Variants in FAM107B observed in about 807,000 individuals in gnomAD.
FAM107B encodes protein FAM107B.
In FAM107B, 21 loss-of-function variants were observed where a neutral mutation model predicts 31.5. The ratio of observed to expected loss-of-function variants is 0.67; its 90% CI spans 0.47 to 0.96. The LOEUF is 0.96. FAM107B is among the 40% of genes least tolerant of loss of function. The pLI is 0.00. For synonymous variants in FAM107B, 157 were observed against 141.5 expected (o/e 1.11, Z -0.78); for missense variants, 452 against 377.1 (o/e 1.20, Z -1.64).
At chr10:14,542,269 CAAAA>C (rs147609287) in intron 2 of FAM107B, among the ~76,000 whole-genome samples, 3 of 55,964 alleles carry the variant, frequency 5.4e-5, no homozygotes, top group African/African-American at 1.4e-4. Flanking sequence ...GACTCCATCT[CAAAA>C]AAAAAAAAAA....
chr10:14,759,418 C>A (rs1330622569), intron 1 of FAM107B, among the ~76,000 whole-genome samples: 1 of 152,198 alleles, frequency 6.6e-6, no homozygotes, highest in Non-Finnish European at 1.5e-5. Context: ...CCATCCCCAA[C>A]ACCCATTTCT....
intron 2 of FAM107B, among the ~76,000 whole-genome samples, chr10:14,553,691 T>G (rs746710801): frequency 3.3e-5 from 5 of 152,176 alleles, no homozygotes; most frequent in Non-Finnish European, 7.4e-5. Context: ...AGCCCAAGCT[T>G]TAGAGTCTGA....
intron 1 of FAM107B, among the ~76,000 whole-genome samples, chr10:14,752,784 T>C (rs915836644): frequency 3.9e-5 from 6 of 152,042 alleles, no homozygotes; most frequent in African/African-American, 1.4e-4. Context: ...ATACAAAAAT[T>C]AGCCGGGTGT....
rs566285338 is a variant in FAM107B at position 14,697,344 on chromosome 10, A to G, written c.412-29653T>C. Reference sequence around the variant, plus strand: ...AATGGAGGCAGAACAGTTCCTTCAGATTTTCCATGGCCTGGAATCCGGAAT... The same window carrying G: ...AATGGAGGCAGAACAGTTCCTTCAGGTTTTCCATGGCCTGGAATCCGGAAT... On this transcript the variant is annotated intron_variant, in intron 1 of 4. Transcript: ENST00000181796. 5.9e-5 allele frequency among the ~76,000 whole-genome samples: 9 copies of G among 152,226 alleles called. No homozygotes were observed. In the South Asian group the frequency reaches 6.2e-4, roughly 11 times the overall value.
intron 2 of FAM107B, among the ~76,000 whole-genome samples, chr10:14,601,498 T>A (rs1852396919): frequency 6.6e-6 from 1 of 152,074 alleles, no homozygotes; most frequent in African/African-American, 2.4e-5. Context: ...TGCAGCAAGG[T>A]CTCATGAGGT....
At position 14,767,020 on chromosome 10, in the gene FAM107B, G is replaced by GTGTA. The variant is rs1354065285; in HGVS notation, c.411+7232_411+7233insTACA. 1.1e-3 allele frequency among the ~76,000 whole-genome samples: 32 copies of GTGTA among 30,374 alleles called. 2 individuals are homozygous for GTGTA. Among genetic ancestry groups the GTGTA allele is most frequent in the African/African-American group, 2.6e-3 (31 of 11,700 alleles). 19.9% of individuals were successfully genotyped at this position (30,374 alleles called of 152,430 possible). On this transcript the variant is annotated intron_variant, in intron 1 of 4. Coordinates refer to ENST00000181796, the MANE Select transcript of FAM107B (RefSeq NM_031453.4). The stretch of plus-strand genomic sequence containing the variant: ...AACTGCAGAACAATATCCCTGATGT[G>GTGTA]TATGTATATATATATATATATATAT...
At chr10:14,597,173 C>A (rs967485753) in intron 2 of FAM107B, among the ~76,000 whole-genome samples, 2 of 152,180 alleles carry the variant, frequency 1.3e-5, no homozygotes, top group African/African-American at 4.8e-5. Context: ...CCTCTACATA[C>A]GCATATGCAC....
At chr10:14,609,589 T>C (rs1007865682) in intron 2 of FAM107B, among the ~76,000 whole-genome samples, 1 of 152,184 alleles carries the variant, frequency 6.6e-6, no homozygotes, top group African/African-American at 2.4e-5. Flanking sequence ...CATCTAGGGC[T>C]CTAGACTCAG....
intron 3 of FAM107B, chr10:14,530,003 G>A (rs1239021797): frequency 4.9e-6 from 1 of 202,348 alleles, no homozygotes; most frequent in African/African-American, 2.4e-5. Flanking sequence ...TTAAATTTAA[G>A]AACATATTTC....
chr10:14,540,928 T>C (rs1848125310), intron 2 of FAM107B, among the ~76,000 whole-genome samples: 1 of 152,140 alleles, frequency 6.6e-6, no homozygotes, highest in Admixed American at 6.5e-5. Flanking sequence ...GCAGAAGTCA[T>C]CCCAGGCGAA....
intron 2 of FAM107B, among the ~76,000 whole-genome samples, chr10:14,595,839 G>A (rs1346377381): frequency 6.6e-6 from 1 of 152,140 alleles, no homozygotes; most frequent in African/African-American, 2.4e-5. Context: ...TTTCTCTCTT[G>A]TATCAACTCC....
chr10:14,682,032 G>A (rs1036471822), intron 1 of FAM107B, among the ~76,000 whole-genome samples: 16 of 152,292 alleles, frequency 1.1e-4, no homozygotes, highest in African/African-American at 3.8e-4. Context: ...TTCCAGCCCT[G>A]AGTATCCTCT....
At chr10:14,722,652 C>T (rs964052556) in intron 1 of FAM107B, among the ~76,000 whole-genome samples, 1 of 152,092 alleles carries the variant, frequency 6.6e-6, no homozygotes, top group South Asian at 2.1e-4. Context: ...ATCCTTTGCC[C>T]ATTTTTAAAT....
At chr10:14,660,537 A>G (rs1854207095) in intron 2 of FAM107B, among the ~76,000 whole-genome samples, 1 of 152,218 alleles carries the variant, frequency 6.6e-6, no homozygotes, top group African/African-American at 2.4e-5. Flanking sequence ...AAGTGGTACT[A>G]TGTAATTTCT....
chr10:14,762,786 ACACACACAC>A (rs1257437979), intron 1 of FAM107B, among the ~76,000 whole-genome samples: 4 of 151,164 alleles, frequency 2.6e-5, no homozygotes, highest in African/African-American at 9.8e-5. Context: ...ACACACACAC[ACACACACAC>A]ACACACAAAA....
At chr10:14,637,449 A>G (rs571081776) in intron 2 of FAM107B, among the ~76,000 whole-genome samples, 2 of 152,326 alleles carry the variant, frequency 1.3e-5, no homozygotes, top group Admixed American at 6.5e-5. Context: ...AGCCTGGGCA[A>G]TATGGCAAAA....
rs554631928 is a variant in FAM107B at position 14,691,849 on chromosome 10, G to A, written c.412-24158C>T. 1.9e-4 allele frequency among the ~76,000 whole-genome samples: 27 copies of A among 145,910 alleles called. 1 individual carries two copies. In the South Asian group the frequency reaches 3.5e-3, roughly 19 times the overall value. On this transcript the variant is annotated intron_variant, in intron 1 of 4. Coordinates refer to ENST00000181796, the MANE Select transcript of FAM107B (RefSeq NM_031453.4). ...GCGGAGGTTGCAGTGAGCTGAGATC[G>A]TGCCACTGCAAGCCAGCCTGAGCTA... is the stretch of plus-strand genomic sequence containing the variant.
intron 2 of FAM107B, among the ~76,000 whole-genome samples, chr10:14,655,545 G>A (rs770009523): frequency 6.6e-6 from 1 of 152,150 alleles, no homozygotes; most frequent in Non-Finnish European, 1.5e-5. Flanking sequence ...TCAGCCTCCC[G>A]AGTAGCTGGC....
intron 2 of FAM107B, chr10:14,572,497 G>A (rs1276212653): frequency 1.2e-5 from 8 of 686,654 alleles, no homozygotes; most frequent in Non-Finnish European, 1.4e-5. Flanking sequence ...TCCTGAGGCT[G>A]GGATTCATGG....
Sources: gnomAD v4.1 joint callset for allele counts (sites outside exome capture counted in the v4.1 genomes callset) on GRCh38, gnomAD v4.1.1 for gene constraint, MANE v1.5 for transcripts, NCBI Gene and HGNC (gene_info 2026-07-23, HGNC 2026-07-21) for gene names.